The following CORIN variants were observed in gnomAD, a reference collection of about 807,000 sequenced individuals.
CORIN encodes the protein corin, serine peptidase.
In CORIN, 117 loss-of-function variants were observed where a neutral mutation model predicts 125.3. The observed-to-expected ratio is 0.93, with a 90% CI of 0.80 to 1.09. The LOEUF (loss-of-function observed/expected upper bound fraction) is 1.09, where lower values mean the gene tolerates loss of function less well. Among genes scored for constraint, CORIN ranks in the 50% least tolerant of loss-of-function variants. The probability of loss-of-function intolerance (pLI) is 0.00; values close to 1 mark genes in which losing one functional copy is unlikely to be tolerated. For synonymous variants in CORIN, 450 were observed against 466.4 expected (o/e 0.96, Z 0.45); for missense variants, 1,253 against 1,306.7 (o/e 0.96, Z 0.63).
chr4:47,653,659 T>C lies in CORIN; in HGVS notation c.1737A>G (p.Glu579=). The part of the protein sequence containing the change: ...TCLMPDEYVE[E]CSPSHFKCRS... ...GGCACTTGAAATGACTAGGTGAGCA[T>C]TCTATTAAAAACAATATTACTGTTA... is the stretch of plus-strand genomic sequence containing the variant. Residue 579 remains glutamate (E), a splice_region_variant and synonymous_variant, in exon 13 of 22, where the codon GAA becomes GAG. Coordinates refer to ENST00000273857, the MANE Select transcript of CORIN (RefSeq NM_006587.4). 1 of 1,613,298 alleles carries C rather than the reference T, an allele frequency of 6.2e-7. No individual in the cohort carries two copies. The highest frequency in any genetic ancestry group is 8.5e-7 in the Non-Finnish European group (1 of 1,179,474).
intron 19 of CORIN, among the ~76,000 whole-genome samples, chr4:47,604,703 GCTATAATCCTAAT>G (rs879403132): frequency 2.0e-5 from 3 of 151,994 alleles, no homozygotes; most frequent in Non-Finnish European, 4.4e-5. Context: ...CTCCTCCATG[GCTATAATCCTAAT>G]CTAAGCTACT....
chr4:47,688,037 C>T (rs992919842), intron 6 of CORIN, among the ~76,000 whole-genome samples: 4 of 152,162 alleles, frequency 2.6e-5, no homozygotes, highest in Non-Finnish European at 5.9e-5. Context: ...CCTCCCTCCA[C>T]TCTCACAGTT....
intron 2 of CORIN, among the ~76,000 whole-genome samples, chr4:47,803,901 A>G (rs1190854688): frequency 6.6e-6 from 1 of 152,236 alleles, no homozygotes; most frequent in African/African-American, 2.4e-5. Flanking sequence ...GGAAACAGTC[A>G]ACAAAGTGAA....
chr4:47,595,878 C>G lies in CORIN; in HGVS notation c.2972G>C (p.Cys991Ser), dbSNP rs755386142. ...TGTCCACCGTCCTCCAGGCTTCTCA[C>G]AAACAAGAGGCCCACCGCTGTCACC... is the stretch of plus-strand genomic sequence containing the variant. ...CMGDSGGPLVCEKPGGRWTLF... is the reference protein window; with the variant it reads ...CMGDSGGPLVSEKPGGRWTLF... Residue 991 changes from cysteine to serine, a missense_variant, in exon 22 of 22, where the codon TGT (cysteine) becomes TCT (serine). Cys to Ser is a moderately radical substitution (Grantham distance 112). Transcript: ENST00000273857. 6 of 1,611,064 alleles carry G rather than the reference C, an allele frequency of 3.7e-6. No individual in the cohort carries two copies. In the Admixed American group the frequency reaches 8.5e-5, roughly 23 times the overall value.
intron 10 of CORIN, among the ~76,000 whole-genome samples, chr4:47,666,765 A>G (rs1724504024): frequency 6.6e-6 from 1 of 152,236 alleles, no homozygotes. Context: ...GCCTGTTACC[A>G]GAGACCAAGT....
At chr4:47,784,493 T>C (rs937860285) in intron 3 of CORIN, among the ~76,000 whole-genome samples, 6 of 152,208 alleles carry the variant, frequency 3.9e-5, no homozygotes, top group Non-Finnish European at 8.8e-5. Context: ...CAGACTTCTA[T>C]CAAACTTCCA....
chr4:47,624,410 G>A (rs888539946), intron 17 of CORIN, among the ~76,000 whole-genome samples: 18 of 152,022 alleles, frequency 1.2e-4, no homozygotes, highest in African/African-American at 2.7e-4. Context: ...CTCAAAACAA[G>A]TTGAGAAATA....
At chr4:47,613,938 C>T (rs182243009) in intron 19 of CORIN, among the ~76,000 whole-genome samples, 1 of 148,484 alleles carries the variant, frequency 6.7e-6, no homozygotes, top group East Asian at 2.1e-4. Flanking sequence ...TGCACATGTA[C>T]CCTAAAACTT....
intron 19 of CORIN, among the ~76,000 whole-genome samples, chr4:47,609,003 A>G (rs1469645219): frequency 2.0e-5 from 3 of 151,898 alleles, no homozygotes; most frequent in Non-Finnish European, 4.4e-5. Flanking sequence ...TATATTTAAT[A>G]TTTTTCCTGT....
At chr4:47,727,813 A>T (rs900014352) in intron 5 of CORIN, among the ~76,000 whole-genome samples, 2 of 152,134 alleles carry the variant, frequency 1.3e-5, no homozygotes, top group Non-Finnish European at 2.9e-5. Flanking sequence ...CAATTATTAT[A>T]ATAGTCTTTA....
chr4:47,716,385 G>T (rs1231198004), intron 5 of CORIN, among the ~76,000 whole-genome samples: 1 of 152,204 alleles, frequency 6.6e-6, no homozygotes, highest in African/African-American at 2.4e-5. Flanking sequence ...CAATGAATGA[G>T]AGATTGAGTG....
At chr4:47,826,846 G>A (rs1475109365) in intron 1 of CORIN, among the ~76,000 whole-genome samples, 1 of 152,034 alleles carries the variant, frequency 6.6e-6, no homozygotes, top group African/African-American at 2.4e-5. Flanking sequence ...CTCGCTATGT[G>A]TTGTCATTGA....
At chr4:47,627,892 G>T (rs1267940318) in intron 16 of CORIN, among the ~76,000 whole-genome samples, 2 of 152,198 alleles carry the variant, frequency 1.3e-5, no homozygotes, top group Non-Finnish European at 2.9e-5. Context: ...GCAATTAGGA[G>T]AGAGTGTGCA....
At chr4:47,730,200 C>A (rs1218598298) in intron 5 of CORIN, among the ~76,000 whole-genome samples, 1 of 152,064 alleles carries the variant, frequency 6.6e-6, no homozygotes, top group Non-Finnish European at 1.5e-5. Context: ...GCAGGCCGGG[C>A]GCGGTGGCTC....
chr4:47,626,478 GCT>G lies in CORIN; in HGVS notation c.2240_2241del (p.Glu747AlafsTer20). On this transcript the variant is annotated frameshift_variant, in exon 17 of 22. Coordinates refer to ENST00000273857, the MANE Select transcript of CORIN (RefSeq NM_006587.4). LOFTEE classifies it high-confidence loss of function. ...TTGGAGTGTAATGTCAGCCACCGCG[GCT>G]CTTTCTCCTGTTCCTGTATCAATTT... ...VTKLIQEQEK[E>X]PRWLTLHSNW... is the part of the protein sequence containing the mutation. 1 of 1,613,980 alleles carries G rather than the reference GCT, an allele frequency of 6.2e-7. No homozygotes were observed. The highest frequency in any genetic ancestry group is 1.3e-5 in the African/African-American group (1 of 75,030).
intron 5 of CORIN, among the ~76,000 whole-genome samples, chr4:47,712,538 C>G (rs894973107): frequency 5.3e-5 from 8 of 152,162 alleles, no homozygotes; most frequent in Admixed American, 2.0e-4. Flanking sequence ...TCTCCTTGGC[C>G]TCCCAAAGTG....
chr4:47,659,675 A>T (rs1480710113), intron 12 of CORIN, among the ~76,000 whole-genome samples: 2 of 152,162 alleles, frequency 1.3e-5, no homozygotes, highest in East Asian at 1.9e-4. Context: ...ATCACAAGGG[A>T]TCTGCCCCCA....
At chr4:47,600,440 A>G (rs1577725363) in intron 20 of CORIN, 93 bp from the exon 21 acceptor site, 2 of 764,268 alleles carry the variant, frequency 2.6e-6, no homozygotes, top group East Asian at 5.8e-5. Context: ...TGCAAATATA[A>G]TATAAATATT....
intron 2 of CORIN, among the ~76,000 whole-genome samples, chr4:47,804,406 C>T (rs1731674020): frequency 6.6e-6 from 1 of 152,138 alleles, no homozygotes; most frequent in African/African-American, 2.4e-5. Flanking sequence ...ATCTGCATTT[C>T]CATGTTTGTT....
Sources: gnomAD v4.1 joint callset for allele counts (sites outside exome capture counted in the v4.1 genomes callset) on GRCh38, gnomAD v4.1.1 for gene constraint, MANE v1.5 for transcripts, NCBI Gene and HGNC (gene_info 2026-07-23, HGNC 2026-07-21) for gene names.